Variants in INPP4B observed in about 807,000 individuals in gnomAD.
INPP4B encodes inositol polyphosphate 4-phosphatase type II.
Under a neutral mutation model 122.5 loss-of-function variants are expected in INPP4B, and 55 were observed. The ratio of observed to expected loss-of-function variants is 0.45; its 90% CI spans 0.36 to 0.56. The LOEUF is 0.56. INPP4B is among the 20% of genes least tolerant of loss of function. The pLI, the probability that INPP4B is intolerant of heterozygous loss-of-function variation, is 0.00. For missense variants in INPP4B, 1,000 were observed against 1,097.7 expected (o/e 0.91, Z 1.26); for synonymous variants, 403 against 388.7 (o/e 1.04, Z -0.43).
chr4:142,690,545 G>C (rs1349801384), intron 2 of INPP4B, among the ~76,000 whole-genome samples: 2 of 152,100 alleles, frequency 1.3e-5, no homozygotes, highest in African/African-American at 2.4e-5. Flanking sequence ...AAAAAGACTA[G>C]GTTGGGACTT....
intron 17 of INPP4B, among the ~76,000 whole-genome samples, chr4:142,154,830 C>T (rs1816310511): frequency 3.9e-5 from 6 of 152,032 alleles, no homozygotes; most frequent in Non-Finnish European, 7.4e-5. Context: ...TCACATGCTC[C>T]ACTAACTGTG....
intron 2 of INPP4B, among the ~76,000 whole-genome samples, chr4:142,595,184 A>G (rs1738435716): frequency 6.6e-6 from 1 of 151,988 alleles, no homozygotes; most frequent in Non-Finnish European, 1.5e-5. Flanking sequence ...ATTTTTAGTT[A>G]TAGGGAGGTA....
chr4:142,679,923 G>A lies in INPP4B; in HGVS notation c.-191+45916C>T, dbSNP rs182541942. Among the ~76,000 whole-genome samples, 7 of 151,562 alleles carry A rather than the reference G, an allele frequency of 4.6e-5. No individual in the cohort carries two copies. The East Asian group carries it at 7.8e-4, about 17-fold the overall frequency. On this transcript the variant is annotated intron_variant, in intron 2 of 25. Coordinates refer to ENST00000262992, the MANE Select transcript of INPP4B (RefSeq NM_001101669.3). ...GTTAAAAAAAAAATAGATACCCTACGGTATTATCTAGACATTAGAGACTTA... is the reference window on the plus strand; with the variant it reads ...GTTAAAAAAAAAATAGATACCCTACAGTATTATCTAGACATTAGAGACTTA...
chr4:142,807,486 A>G (rs1356433161), intron 1 of INPP4B, among the ~76,000 whole-genome samples: 2 of 152,210 alleles, frequency 1.3e-5, no homozygotes, highest in South Asian at 4.1e-4. Context: ...AAGGGCCTGG[A>G]CAGTTTATGC....
chr4:142,489,676 G>A (rs1456491126), intron 2 of INPP4B, among the ~76,000 whole-genome samples: 1 of 152,148 alleles, frequency 6.6e-6, no homozygotes, highest in South Asian at 2.1e-4. Flanking sequence ...TTACAGGTGT[G>A]AGCCACCACA....
chr4:142,842,212 CAAGTTGGCATGGCTGCCT>C (rs1783579804), intron 1 of INPP4B, among the ~76,000 whole-genome samples: 1 of 151,490 alleles, frequency 6.6e-6, no homozygotes, highest in African/African-American at 2.4e-5. Context: ...ATCAGGACAC[CAAGTTGGCATGGCTGCCT>C]AATACAGAAG....
chr4:142,588,397 A>G (rs1376177226), intron 2 of INPP4B, among the ~76,000 whole-genome samples: 3 of 151,806 alleles, frequency 2.0e-5, no homozygotes, highest in Admixed American at 2.0e-4. Flanking sequence ...ACTTATATGT[A>G]GAAAATACTA....
intron 18 of INPP4B, among the ~76,000 whole-genome samples, chr4:142,133,373 C>G (rs1446462920): frequency 7.2e-5 from 11 of 152,062 alleles, no homozygotes; most frequent in Admixed American, 7.2e-4. Context: ...AATGTCTTAC[C>G]CTAAAAATAG....
At chr4:142,142,883 A>G (rs2152833415) in intron 18 of INPP4B, among the ~76,000 whole-genome samples, 1 of 152,204 alleles carries the variant, frequency 6.6e-6, no homozygotes, top group South Asian at 2.1e-4. Context: ...ACCCCAAAAT[A>G]TGGCTCCCTG....
intron 2 of INPP4B, among the ~76,000 whole-genome samples, chr4:142,667,785 G>A (rs977088331): frequency 6.6e-6 from 1 of 152,144 alleles, no homozygotes; most frequent in Non-Finnish European, 1.5e-5. Context: ...GTAGATGATT[G>A]AATAGAAAGG....
At chr4:142,520,161 T>A (rs1320117600) in intron 2 of INPP4B, among the ~76,000 whole-genome samples, 2 of 152,060 alleles carry the variant, frequency 1.3e-5, no homozygotes, top group African/African-American at 4.8e-5. Flanking sequence ...TAGAGCGGCA[T>A]GAATTACAGC....
At chr4:142,159,803 T>G (rs539477940) in intron 17 of INPP4B, among the ~76,000 whole-genome samples, 1 of 152,150 alleles carries the variant, frequency 6.6e-6, no homozygotes, top group Admixed American at 6.6e-5. Flanking sequence ...TATTCATGTT[T>G]CCTAGCTATT....
At chr4:142,499,749 T>C (rs1823115311) in intron 2 of INPP4B, among the ~76,000 whole-genome samples, 1 of 152,132 alleles carries the variant, frequency 6.6e-6, no homozygotes, top group African/African-American at 2.4e-5. Context: ...AATTCAATAA[T>C]CCTCCAAGTA....
chr4:142,134,069 G>A (rs1802714235), intron 18 of INPP4B, among the ~76,000 whole-genome samples: 1 of 152,096 alleles, frequency 6.6e-6, no homozygotes. Flanking sequence ...GAGAGCCAGT[G>A]TTTTATCTTT....
intron 15 of INPP4B, among the ~76,000 whole-genome samples, chr4:142,182,854 T>C (rs1664847052): frequency 1.3e-5 from 2 of 152,234 alleles, no homozygotes; most frequent in East Asian, 1.9e-4. Context: ...CCCAGGTACC[T>C]GTTTTCCCTC....
At chr4:142,374,026 A>T (rs1192621344) in intron 7 of INPP4B, among the ~76,000 whole-genome samples, 1 of 151,984 alleles carries the variant, frequency 6.6e-6, no homozygotes, top group Non-Finnish European at 1.5e-5. Flanking sequence ...TGGCAAAAAA[A>T]AGGAAGAGAA....
rs1387264140 is a variant in INPP4B, at chr4:142,584,126, G to A, written c.-190-121400C>T. Among the ~76,000 whole-genome samples the A allele has an allele frequency of 2.0e-5, 3 of 151,978 alleles. No individual in the cohort carries two copies. In the East Asian group the frequency reaches 5.8e-4, roughly 30 times the overall value. ...ACAAGTATAAAGGAAAAGAGAATAT[G>A]AGTTTTTTTTTCTTTTCTTTACAAC... On this transcript the variant is annotated intron_variant, in intron 2 of 25. Coordinates refer to ENST00000262992, the MANE Select transcript of INPP4B (RefSeq NM_001101669.3).
At chr4:142,749,571 C>T (rs1265018813) in intron 1 of INPP4B, among the ~76,000 whole-genome samples, 1 of 151,452 alleles carries the variant, frequency 6.6e-6, no homozygotes, top group Non-Finnish European at 1.5e-5. Flanking sequence ...AAAAGGTATC[C>T]ACTCAATAAA....
At chr4:142,244,087 G>A (rs1166313287) in intron 11 of INPP4B, among the ~76,000 whole-genome samples, 1 of 150,406 alleles carries the variant, frequency 6.6e-6, no homozygotes, top group African/African-American at 2.5e-5. Context: ...ACAGGTCCCA[G>A]TGTGTGATGT....
Sources: gnomAD v4.1 joint callset for allele counts (sites outside exome capture counted in the v4.1 genomes callset) on GRCh38, gnomAD v4.1.1 for gene constraint, MANE v1.5 for transcripts, NCBI Gene and HGNC (gene_info 2026-07-23, HGNC 2026-07-21) for gene names.